The following ARNT2 variants were observed in gnomAD, a reference collection of about 807,000 sequenced individuals.
ARNT2 encodes ARNT protein 2.
Under a neutral mutation model 91.7 loss-of-function variants are expected in ARNT2, and 36 were observed. The ratio of observed to expected loss-of-function variants is 0.39; its 90% CI spans 0.30 to 0.52. The LOEUF (loss-of-function observed/expected upper bound fraction) is 0.52, where lower values mean the gene tolerates loss of function less well. Among genes scored for constraint, ARNT2 ranks in the 20% least tolerant of loss-of-function variants. The probability of loss-of-function intolerance (pLI) is 0.72; values close to 1 mark genes in which losing one functional copy is unlikely to be tolerated. For synonymous variants in ARNT2, 365 were observed against 347.1 expected (o/e 1.05, Z -0.57); for missense variants, 775 against 939.3 (o/e 0.83, Z 2.29).
intron 1 of ARNT2, among the ~76,000 whole-genome samples, chr15:80,406,922 AAGGGTTTAATTTTAAGGGACATGGCTC>A (rs1410648548): frequency 1.3e-5 from 2 of 152,098 alleles, no homozygotes; most frequent in East Asian, 3.8e-4. Context: ...CTTTGGGAGA[AAGGGTTTAATTTTAAGGGACATGGCTC>A]AGGGTTTGAG....
intron 7 of ARNT2, 65 bp from the exon 8 acceptor site, chr15:80,514,255 G>A: frequency 6.6e-7 from 1 of 1,514,692 alleles, no homozygotes; most frequent in Admixed American, 1.7e-5. Flanking sequence ...GATGCCAGAG[G>A]AGTCATCAAC....
chr15:80,563,467 C>G (rs1596016194), intron 12 of ARNT2, among the ~76,000 whole-genome samples: 1 of 152,194 alleles, frequency 6.6e-6, no homozygotes, highest in Non-Finnish European at 1.5e-5. Context: ...GAGTGATAAT[C>G]ATGACACTCC....
intron 2 of ARNT2, among the ~76,000 whole-genome samples, chr15:80,452,803 G>A (rs759244061): frequency 8.5e-5 from 13 of 152,150 alleles, no homozygotes; most frequent in Admixed American, 1.3e-4. Context: ...TTCCCCTCCC[G>A]TAGGGCCTGG....
At chr15:80,542,189 A>G (rs1897919030) in intron 8 of ARNT2, among the ~76,000 whole-genome samples, 1 of 152,218 alleles carries the variant, frequency 6.6e-6, no homozygotes, top group South Asian at 2.1e-4. Context: ...TTTTGCCCAT[A>G]TTAAGACATA....
rs148953413 is a variant in ARNT2, at chr15:80,571,706, G to A, written c.1317-2442G>A. The stretch of plus-strand genomic sequence containing the variant: ...CTCCCCCTGTCCCTTTGGCCCTAGG[G>A]ATGGTCATGGCTTCCTGTTGTTGCT... On this transcript the variant is annotated intron_variant, in intron 12 of 18. Transcript: ENST00000303329. Among the ~76,000 whole-genome samples the A allele has an allele frequency of 7.8e-3, 1,184 of 152,302 alleles. 11 individuals carry two copies. Among genetic ancestry groups the A allele is most frequent in the African/African-American group, 0.027 (1,122 of 41,562 alleles).
At chr15:80,555,471 T>C (rs1246888222) in intron 11 of ARNT2, 2 of 269,342 alleles carry the variant, frequency 7.4e-6, no homozygotes, top group East Asian at 6.7e-5. Context: ...AGGATGAGCA[T>C]AGAATAAATG....
intron 1 of ARNT2, among the ~76,000 whole-genome samples, chr15:80,443,826 C>T (rs1896234582): frequency 6.6e-6 from 1 of 152,172 alleles, no homozygotes; most frequent in African/African-American, 2.4e-5. Flanking sequence ...GATGGCAGCT[C>T]TCTAGTGGGG....
chr15:80,542,625 G>A (rs2141450297), intron 8 of ARNT2, among the ~76,000 whole-genome samples: 1 of 152,130 alleles, frequency 6.6e-6, no homozygotes, highest in Admixed American at 6.6e-5. Context: ...GAAAATTTAT[G>A]GGTATTTAAA....
intron 8 of ARNT2, among the ~76,000 whole-genome samples, chr15:80,542,408 T>C (rs1194443121): frequency 6.6e-6 from 1 of 152,242 alleles, no homozygotes; most frequent in East Asian, 1.9e-4. Context: ...TTTTATTTTA[T>C]TGATTTGCAT....
rs151037422 is a variant in ARNT2, at chr15:80,519,426, G to A, written c.877+5021G>A. Among the ~76,000 whole-genome samples the A allele has an allele frequency of 3.6e-3, 541 of 152,236 alleles. 2 individuals are homozygous for A. The highest frequency in any genetic ancestry group is 0.02 in the Middle Eastern group (6 of 294). ...ACAATTGGTGGGGGCAGGGGGCTGC[G>A]GTAAATAGTCACTTTTGCCTTCATC... On this transcript the variant is annotated intron_variant, in intron 8 of 18. Coordinates refer to ENST00000303329, the MANE Select transcript of ARNT2 (RefSeq NM_014862.4).
chr15:80,503,505 C>G (rs1046766102), intron 5 of ARNT2, among the ~76,000 whole-genome samples: 1 of 152,158 alleles, frequency 6.6e-6, no homozygotes, highest in South Asian at 2.1e-4. Context: ...TTTTCATTTC[C>G]TCATGTTCCA....
chr15:80,474,491 T>C (rs1416357370), intron 4 of ARNT2, among the ~76,000 whole-genome samples: 1 of 152,226 alleles, frequency 6.6e-6, no homozygotes, highest in East Asian at 1.9e-4. Flanking sequence ...CTCAGAAATA[T>C]GGAAAGAGAA....
At chr15:80,520,079 A>T (rs1432445437) in intron 8 of ARNT2, among the ~76,000 whole-genome samples, 1 of 150,292 alleles carries the variant, frequency 6.7e-6, no homozygotes, top group Non-Finnish European at 1.5e-5. Flanking sequence ...CCCAGTTCCC[A>T]GTTTGACTTT....
In ARNT2 at chr15:80,550,715, T is replaced by A. The variant is rs568856198; in HGVS notation, c.878-484T>A. Among the ~76,000 whole-genome samples, 4 of 152,380 alleles carry A rather than the reference T, an allele frequency of 2.6e-5. No homozygotes were observed. The South Asian group carries it at 8.3e-4, about 32-fold the overall frequency. On this transcript the variant is annotated intron_variant, in intron 8 of 18. Transcript: ENST00000303329. ...TTTCTAGCCCTTAAACAACCCTGAC[T>A]TCCCCCTACAAGGGGAAACACTGGT...
At chr15:80,549,806 A>G (rs1380474061) in intron 8 of ARNT2, among the ~76,000 whole-genome samples, 6 of 152,210 alleles carry the variant, frequency 3.9e-5, no homozygotes. Flanking sequence ...AAACAAAACT[A>G]CATATGCACT....
intron 8 of ARNT2, among the ~76,000 whole-genome samples, chr15:80,549,941 A>G (rs1274867395): frequency 6.6e-6 from 1 of 152,254 alleles, no homozygotes; most frequent in African/African-American, 2.4e-5. Flanking sequence ...AATATTGGAA[A>G]CACCTAAACG....
chr15:80,581,431 T>C, intron 17 of ARNT2, 27 bp downstream of exon 17: 2 of 1,613,310 alleles, frequency 1.2e-6, no homozygotes, highest in Non-Finnish European at 1.7e-6. Flanking sequence ...GGAGTGAGAT[T>C]CTGGGAAAGC....
rs941971421 is a variant in ARNT2, at chr15:80,591,284, T to C, written c.1919-284T>C. On this transcript the variant is annotated intron_variant, in intron 17 of 18. Coordinates refer to ENST00000303329, the MANE Select transcript of ARNT2 (RefSeq NM_014862.4). The surrounding 1 kb of genome is among the most constrained non-coding windows in gnomAD (Gnocchi z 5.1). ...CACAGTCACCAAGTGCAAGGAGCAC[T>C]CCAAGGCTTAAAGCACCTAGTCACC... 6.6e-6 allele frequency among the ~76,000 whole-genome samples: 1 copy of C among 152,048 alleles called. No homozygotes were observed. Among genetic ancestry groups the C allele is most frequent in the Non-Finnish European group, 1.5e-5 (1 of 68,012 alleles).
At chr15:80,430,314 C>T (rs1895990314) in intron 1 of ARNT2, among the ~76,000 whole-genome samples, 1 of 152,200 alleles carries the variant, frequency 6.6e-6, no homozygotes, top group African/African-American at 2.4e-5. Flanking sequence ...CTCACCTGTT[C>T]TCCACACCCG....
Sources: gnomAD v4.1 joint callset for allele counts (sites outside exome capture counted in the v4.1 genomes callset) on GRCh38, gnomAD v4.1.1 for gene constraint, Gnocchi (gnomAD v3.1) non-coding constraint, MANE v1.5 for transcripts, NCBI Gene and HGNC (gene_info 2026-07-23, HGNC 2026-07-21) for gene names.